The following AGBL1 variants were observed in gnomAD, a reference collection of about 807,000 sequenced individuals.
AGBL1 encodes the protein cytosolic carboxypeptidase 4.
Under a neutral mutation model 118.9 loss-of-function variants are expected in AGBL1, and 130 were observed. The ratio of observed to expected loss-of-function variants is 1.09; its 90% CI spans 0.95 to 1.26. AGBL1 has a LOEUF of 1.26. AGBL1 is among the 50% of genes most tolerant of loss of function. The pLI is 0.00. For missense variants in AGBL1, 1,584 were observed against 1,298.1 expected, an observed-to-expected ratio of 1.22 and a Z score of -3.38; for synonymous variants, 555 against 478.9, an observed-to-expected ratio of 1.16 and a Z score of -2.08.
chr15:86,316,153 G>T (rs773772169), intron 17 of AGBL1, among the ~76,000 whole-genome samples: 1 of 152,162 alleles, frequency 6.6e-6, no homozygotes, highest in Non-Finnish European at 1.5e-5. Flanking sequence ...CATGAAGGAT[G>T]CCTAACAGGG....
chr15:86,802,703 A>G (rs1485017452), intron 22 of AGBL1, among the ~76,000 whole-genome samples: 3 of 152,172 alleles, frequency 2.0e-5, no homozygotes, highest in South Asian at 2.1e-4. Context: ...TGAAATCTCA[A>G]TATTGTGCTA....
At chr15:86,348,428 T>C (rs2080573258) in intron 17 of AGBL1, among the ~76,000 whole-genome samples, 1 of 152,206 alleles carries the variant, frequency 6.6e-6, no homozygotes, top group Non-Finnish European at 1.5e-5. Flanking sequence ...TGATTTTTCC[T>C]CCAGGAGACT....
intron 22 of AGBL1, among the ~76,000 whole-genome samples, chr15:86,891,695 C>T (rs941753692): frequency 1.3e-5 from 2 of 152,076 alleles, no homozygotes; most frequent in South Asian, 4.1e-4. Flanking sequence ...CCCACAAGCA[C>T]CTTCTCTACT....
At chr15:86,132,064 G>A (rs2076827285) in intron 1 of AGBL1, among the ~76,000 whole-genome samples, 1 of 152,106 alleles carries the variant, frequency 6.6e-6, no homozygotes, top group South Asian at 2.1e-4. Flanking sequence ...CTTCAGATTG[G>A]GGTAGGGAAG....
At chr15:86,439,684 A>G (rs1000498181) in intron 18 of AGBL1, among the ~76,000 whole-genome samples, 1 of 152,244 alleles carries the variant, frequency 6.6e-6, no homozygotes, top group Non-Finnish European at 1.5e-5. Flanking sequence ...TCAAACCATG[A>G]CCAGGCAGCA....
intron 1 of AGBL1, among the ~76,000 whole-genome samples, chr15:86,097,702 T>A (rs1006116938): frequency 1.3e-5 from 2 of 152,182 alleles, no homozygotes; most frequent in Non-Finnish European, 2.9e-5. Flanking sequence ...TGTGTATATA[T>A]GCCACATTTT....
At chr15:86,972,643 C>G (rs2081120983) in intron 23 of AGBL1, among the ~76,000 whole-genome samples, 3 of 151,980 alleles carry the variant, frequency 2.0e-5, no homozygotes, top group Admixed American at 1.3e-4. Context: ...TGAAACTCAC[C>G]TGCATTTCTG....
At chr15:86,514,958 AT>A (rs1406081680) in intron 18 of AGBL1, among the ~76,000 whole-genome samples, 1 of 151,966 alleles carries the variant, frequency 6.6e-6, no homozygotes, top group Non-Finnish European at 1.5e-5. Flanking sequence ...ACTCATTGGG[AT>A]TTTCCTCTTT....
intron 18 of AGBL1, among the ~76,000 whole-genome samples, chr15:86,440,049 A>G (rs931943382): frequency 6.6e-6 from 1 of 152,232 alleles, no homozygotes; most frequent in Non-Finnish European, 1.5e-5. Flanking sequence ...CAGCATTAAG[A>G]ACTAATATAA....
chr15:86,685,060 A>T lies in AGBL1; in HGVS notation c.3158+10624A>T, dbSNP rs146007437. ...AAGATGGGAACAAAGAGGTATGTTTAGAAGTAGATATCAAGATGTGTGGAA... is the reference window on the plus strand; with the variant it reads ...AAGATGGGAACAAAGAGGTATGTTTTGAAGTAGATATCAAGATGTGTGGAA... On this transcript the variant is annotated intron_variant, in intron 22 of 22. Transcript: ENST00000614907. Among the ~76,000 whole-genome samples the T allele has an allele frequency of 3.3e-5, 5 of 152,338 alleles. No homozygotes were observed. In the East Asian group the frequency reaches 5.8e-4, roughly 18 times the overall value.
chr15:86,833,158 T>C (rs1391663400), intron 22 of AGBL1, among the ~76,000 whole-genome samples: 1 of 152,146 alleles, frequency 6.6e-6, no homozygotes, highest in African/African-American at 2.4e-5. Context: ...ATGGGCATTA[T>C]GGGAGCTACA....
At chr15:86,320,525 C>T (rs558185249) in intron 17 of AGBL1, among the ~76,000 whole-genome samples, 12 of 151,516 alleles carry the variant, frequency 7.9e-5, no homozygotes, top group Admixed American at 5.3e-4. Context: ...TTTTTTATGC[C>T]GATATATCAT....
At chr15:86,531,024 A>T (rs965177440) in intron 19 of AGBL1, among the ~76,000 whole-genome samples, 2 of 65,960 alleles carry the variant, frequency 3.0e-5, no homozygotes, top group Non-Finnish European at 5.1e-5. Flanking sequence ...TCCAAAATTG[A>T]CACCCTAACA....
intron 18 of AGBL1, among the ~76,000 whole-genome samples, chr15:86,503,031 G>A (rs1006286501): frequency 6.6e-6 from 1 of 151,424 alleles, no homozygotes; most frequent in Non-Finnish European, 1.5e-5. Flanking sequence ...TCACCACTGA[G>A]GCCATGCAGA....
chr15:86,959,179 T>G (rs1013238023), intron 23 of AGBL1, among the ~76,000 whole-genome samples: 8 of 152,176 alleles, frequency 5.3e-5, no homozygotes, highest in Non-Finnish European at 1.0e-4. Context: ...TTATTAATCT[T>G]TGTTCATCAA....
chr15:86,609,800 G>A (rs896648630), intron 21 of AGBL1, among the ~76,000 whole-genome samples: 4 of 152,108 alleles, frequency 2.6e-5, no homozygotes, highest in Non-Finnish European at 4.4e-5. Flanking sequence ...ACAAAGCAAA[G>A]CAAAACAACC....
At chr15:86,479,466 G>A (rs981489473) in intron 18 of AGBL1, among the ~76,000 whole-genome samples, 1 of 152,070 alleles carries the variant, frequency 6.6e-6, no homozygotes, top group Non-Finnish European at 1.5e-5. Flanking sequence ...GCCACCAACA[G>A]ACACATGAAA....
intron 22 of AGBL1, among the ~76,000 whole-genome samples, chr15:86,693,773 T>C (rs2086211419): frequency 6.6e-6 from 1 of 152,154 alleles, no homozygotes; most frequent in African/African-American, 2.4e-5. Flanking sequence ...GATTTTTGTA[T>C]AAGGTGAGAG....
At chr15:86,491,028 A>G (rs1197849142) in intron 18 of AGBL1, among the ~76,000 whole-genome samples, 5 of 152,154 alleles carry the variant, frequency 3.3e-5, no homozygotes, top group Admixed American at 3.3e-4. Flanking sequence ...CACTGTGGTT[A>G]TACAAAAATA....
Sources: gnomAD v4.1 joint callset for allele counts (sites outside exome capture counted in the v4.1 genomes callset) on GRCh38, gnomAD v4.1.1 for gene constraint, MANE v1.5 for transcripts, NCBI Gene and HGNC (gene_info 2026-07-23, HGNC 2026-07-21) for gene names.